Variants in ACKR5 observed in about 807,000 individuals in gnomAD.
ACKR5 encodes the protein G protein-coupled receptor 182.
At chr12:56,995,121 T>C in the ACKR5 span, 1 of 1,235,394 alleles carries the variant, frequency 8.1e-7, no homozygotes, top group Non-Finnish European at 1.1e-6. This position sits in a 1 kb window ranked among gnomAD's most constrained non-coding sequence, Gnocchi z 4.7. Context: ...CCCGACTCCC[T>C]CTGGCCTCTA....
the ACKR5 span, chr12:56,996,083 T>C: frequency 6.2e-7 from 1 of 1,613,348 alleles, no homozygotes; most frequent in Non-Finnish European, 8.5e-7. Context: ...CTCCCTCCAC[T>C]GCCACCTGGT....
At chr12:56,997,594 C>G in the ACKR5 span, 1 of 152,228 alleles carries the variant, frequency 6.6e-6, no homozygotes, top group East Asian at 1.9e-4. Flanking sequence ...GACTAGGACC[C>G]TGTCCATGAA....
the ACKR5 span, chr12:56,995,913 C>T: frequency 6.2e-7 from 1 of 1,612,840 alleles, no homozygotes; most frequent in Admixed American, 1.7e-5. This position sits in a 1 kb window ranked among gnomAD's most constrained non-coding sequence, Gnocchi z 4.7. Flanking sequence ...CCTCTCATCA[C>T]AGTCTTCAAT....
chr12:56,996,416 C>T, the ACKR5 span: 50 of 1,579,054 alleles, frequency 3.2e-5, no homozygotes, highest in Non-Finnish European at 4.0e-5. Context: ...GCCTCTTACA[C>T]CCAGCTGAGG....
the ACKR5 span, chr12:56,995,803 T>C: frequency 1.2e-6 from 2 of 1,614,032 alleles, no homozygotes. This position sits in a 1 kb window ranked among gnomAD's most constrained non-coding sequence, Gnocchi z 4.7. Context: ...TGGAGGGCCC[T>C]GAGCCCATGT....
the ACKR5 span, chr12:56,996,190 C>A: frequency 1.0e-4 from 162 of 1,614,016 alleles, no homozygotes; most frequent in Non-Finnish European, 1.2e-4. Context: ...GCCCACACTT[C>A]CGGGGCCGGC....
the ACKR5 span, chr12:56,995,200 G>A: frequency 1.9e-6 from 3 of 1,609,138 alleles, no homozygotes; most frequent in African/African-American, 1.3e-5. The surrounding 1 kb of genome is among the most constrained non-coding windows in gnomAD (Gnocchi z 4.7). Flanking sequence ...ATAGGCGTGT[G>A]CTGGTCCCAA....
chr12:56,995,422 C>T, the ACKR5 span: 1 of 1,614,216 alleles, frequency 6.2e-7, no homozygotes, highest in Non-Finnish European at 8.5e-7. This position sits in a 1 kb window ranked among gnomAD's most constrained non-coding sequence, Gnocchi z 4.7. Context: ...TGGTGGAGAA[C>T]CTCCTGGTGA....
At chr12:56,996,227 C>T in the ACKR5 span, 2 of 1,614,092 alleles carry the variant, frequency 1.2e-6, no homozygotes, top group Non-Finnish European at 1.7e-6. Context: ...CCATTACCTT[C>T]CTAAGGACCA....
the ACKR5 span, among the ~76,000 whole-genome samples, chr12:56,994,838 A>G: frequency 2.7e-5 from 4 of 150,606 alleles, no homozygotes; most frequent in South Asian, 8.4e-4. Flanking sequence ...AAAAGGGCTG[A>G]GGAATGAAGT....
At chr12:56,995,239 C>A in the ACKR5 span, 3 of 1,613,750 alleles carry the variant, frequency 1.9e-6, no homozygotes, top group Non-Finnish European at 2.5e-6. This position sits in a 1 kb window ranked among gnomAD's most constrained non-coding sequence, Gnocchi z 4.7. Flanking sequence ...GGGGGCCTGG[C>A]CCCTCGGAGG....
the ACKR5 span, chr12:56,996,471 G>C: frequency 2.5e-4 from 375 of 1,510,754 alleles, 1 homozygote; most frequent in African/African-American, 4.2e-3. Context: ...GCACAGGTGA[G>C]AGTATAGGTG....
the ACKR5 span, chr12:56,995,343 TGGA>T: frequency 6.2e-7 from 1 of 1,614,236 alleles, no homozygotes; most frequent in South Asian, 1.1e-5. The surrounding 1 kb of genome is among the most constrained non-coding windows in gnomAD (Gnocchi z 4.7). Flanking sequence ...GAGTGCCACG[TGGA>T]GCTCAGCCAG....
At chr12:56,995,148 C>G in the ACKR5 span, 5 of 1,495,860 alleles carry the variant, frequency 3.3e-6, no homozygotes, top group African/African-American at 6.9e-5. This position sits in a 1 kb window ranked among gnomAD's most constrained non-coding sequence, Gnocchi z 4.7. Context: ...GGACACAAGG[C>G]TCTCGAGGTC....
chr12:56,996,507 A>T, the ACKR5 span: 2 of 1,268,128 alleles, frequency 1.6e-6, no homozygotes, highest in East Asian at 4.8e-5. Context: ...TGTAGAGGGG[A>T]GGGTCAAAGC....
the ACKR5 span, among the ~76,000 whole-genome samples, chr12:56,995,038 T>C: frequency 1.3e-5 from 2 of 152,144 alleles, no homozygotes; most frequent in Non-Finnish European, 2.9e-5. The surrounding 1 kb of genome is among the most constrained non-coding windows in gnomAD (Gnocchi z 4.7). Context: ...AAGTGAGTTG[T>C]GTATTATTTA....
chr12:56,996,310 T>G, the ACKR5 span: 1 of 1,614,178 alleles, frequency 6.2e-7, no homozygotes, highest in Non-Finnish European at 8.5e-7. Flanking sequence ...CCAAGGGTGA[T>G]AGCCAGCCTG....
At chr12:56,998,292 G>C in the ACKR5 span, 1 of 152,190 alleles carries the variant, frequency 6.6e-6, no homozygotes, top group African/African-American at 2.4e-5. Context: ...GGAACCAGCT[G>C]TTACACTCAG....
the ACKR5 span, chr12:56,998,157 G>A: frequency 6.6e-6 from 1 of 152,202 alleles, no homozygotes; most frequent in Non-Finnish European, 1.5e-5. Flanking sequence ...GTTTCCTGAA[G>A]GAAACCAAAT....
Sources: allele counts gnomAD v4.1 joint callset (sites outside exome capture counted in the v4.1 genomes callset), GRCh38; gene constraint gnomAD v4.1.1; non-coding constraint Gnocchi (gnomAD v3.1); transcripts MANE v1.5; gene names NCBI Gene and HGNC (gene_info 2026-07-23, HGNC 2026-07-21).